Variants in RPS6KC1 observed in about 807,000 individuals in gnomAD.
RPS6KC1 encodes inactive ribosomal protein S6 kinase delta-1.
Under a neutral mutation model 103.8 loss-of-function variants are expected in RPS6KC1, and 54 were observed. The observed-to-expected ratio is 0.52, with a 90% CI of 0.42 to 0.65. The LOEUF is 0.65. RPS6KC1 is among the 30% of genes least tolerant of loss of function. The pLI, the probability that RPS6KC1 is intolerant of heterozygous loss-of-function variation, is 0.00. For synonymous variants in RPS6KC1, 439 were observed against 438.7 expected, an observed-to-expected ratio of 1.00 and a Z score of -0.01; for missense variants, 1,151 against 1,253.8, an observed-to-expected ratio of 0.92 and a Z score of 1.24.
At chr1:213,066,246 G>C (rs1349191089) in intron 1 of RPS6KC1, among the ~76,000 whole-genome samples, 2 of 152,190 alleles carry the variant, frequency 1.3e-5, no homozygotes, top group Non-Finnish European at 2.9e-5. Flanking sequence ...GGGGCAGAAG[G>C]ATGAAGAATA....
chr1:213,447,073 A>ATT, the RPS6KC1 span, among the ~76,000 whole-genome samples: 2 of 145,454 alleles, frequency 1.4e-5, no homozygotes, highest in African/African-American at 2.5e-5. Flanking sequence ...TGATGCCAGT[A>ATT]TTTTTTTTTT....
chr1:213,839,354 G>A, the RPS6KC1 span, among the ~76,000 whole-genome samples: 3 of 152,100 alleles, frequency 2.0e-5, no homozygotes, highest in Non-Finnish European at 4.4e-5. Context: ...TCCTGGCCCT[G>A]GGGCAAGGCT....
chr1:213,789,911 C>T, the RPS6KC1 span, among the ~76,000 whole-genome samples: 10 of 151,284 alleles, frequency 6.6e-5, no homozygotes, highest in Admixed American at 2.7e-4. Context: ...GTGTTGTGTT[C>T]AAGGCCAGGA....
chr1:213,687,044 G>A, the RPS6KC1 span, among the ~76,000 whole-genome samples: 1 of 151,258 alleles, frequency 6.6e-6, no homozygotes, highest in East Asian at 1.9e-4. Context: ...AATGAGCAGT[G>A]AGGATAACAG....
chr1:213,381,604 A>G, the RPS6KC1 span, among the ~76,000 whole-genome samples: 10 of 151,912 alleles, frequency 6.6e-5, no homozygotes, highest in Non-Finnish European at 1.2e-4. Flanking sequence ...AGTTATGTCA[A>G]ACAAAGTGTG....
At chr1:213,613,379 G>T in the RPS6KC1 span, among the ~76,000 whole-genome samples, 1 of 152,180 alleles carries the variant, frequency 6.6e-6, no homozygotes, top group Non-Finnish European at 1.5e-5. Flanking sequence ...GTGTCGATGA[G>T]ATTTGGACTA....
At chr1:213,085,483 G>A (rs1013019779) in intron 3 of RPS6KC1, among the ~76,000 whole-genome samples, 2 of 152,000 alleles carry the variant, frequency 1.3e-5, no homozygotes, top group African/African-American at 4.8e-5. Context: ...CTTTCTTGAA[G>A]CTAATAAGTA....
rs536441210 is a variant in RPS6KC1, at chr1:213,088,554, G to A, written c.262+10738G>A. ...GTATTTTTAATAGAGATGGGGTTTCGCCATGTTGCTCAGGCTGGTCTCGAA... is the reference window on the plus strand; with the variant it reads ...GTATTTTTAATAGAGATGGGGTTTCACCATGTTGCTCAGGCTGGTCTCGAA... On this transcript the variant is annotated intron_variant, in intron 3 of 14. Coordinates refer to ENST00000366960, the MANE Select transcript of RPS6KC1 (RefSeq NM_012424.6). 7.2e-5 allele frequency among the ~76,000 whole-genome samples: 11 copies of A among 152,010 alleles called. No individual in the cohort carries two copies. In the South Asian group the frequency reaches 2.3e-3, roughly 32 times the overall value.
chr1:213,449,102 T>G, the RPS6KC1 span, among the ~76,000 whole-genome samples: 1 of 152,212 alleles, frequency 6.6e-6, no homozygotes, highest in Non-Finnish European at 1.5e-5. Flanking sequence ...TTGAAACTTT[T>G]AAATCAGCCT....
At chr1:213,629,624 T>G in the RPS6KC1 span, among the ~76,000 whole-genome samples, 1 of 152,252 alleles carries the variant, frequency 6.6e-6, no homozygotes, top group South Asian at 2.1e-4. Flanking sequence ...GATCCTGTCA[T>G]TATGATGTTA....
the RPS6KC1 span, among the ~76,000 whole-genome samples, chr1:213,411,152 TG>T: frequency 2.0e-5 from 3 of 152,156 alleles, no homozygotes; most frequent in Non-Finnish European, 1.5e-5. Flanking sequence ...CTCATTCACT[TG>T]TTGTTTGACT....
the RPS6KC1 span, among the ~76,000 whole-genome samples, chr1:213,807,707 C>A: frequency 6.6e-6 from 1 of 151,066 alleles, no homozygotes; most frequent in Non-Finnish European, 1.5e-5. Context: ...GTTTTAACTT[C>A]TTTGCCTTTG....
At chr1:213,107,704 G>A (rs780903813) in intron 4 of RPS6KC1, among the ~76,000 whole-genome samples, 2 of 152,126 alleles carry the variant, frequency 1.3e-5, no homozygotes, top group African/African-American at 4.8e-5. Flanking sequence ...TGGTAAATTC[G>A]TGTTTTTAAG....
intron 14 of RPS6KC1, among the ~76,000 whole-genome samples, chr1:213,269,386 T>C (rs2094987743): frequency 6.6e-6 from 1 of 152,186 alleles, no homozygotes; most frequent in African/African-American, 2.4e-5. Context: ...CTCCATGATT[T>C]ATAGAAAATT....
chr1:213,271,277 A>G (rs2095041238), intron 14 of RPS6KC1, among the ~76,000 whole-genome samples: 1 of 152,216 alleles, frequency 6.6e-6, no homozygotes, highest in Admixed American at 6.5e-5. Context: ...TACAGTGTGG[A>G]TGAATCTCAG....
chr1:213,699,141 G>T, the RPS6KC1 span, among the ~76,000 whole-genome samples: 1 of 151,984 alleles, frequency 6.6e-6, no homozygotes, highest in Non-Finnish European at 1.5e-5. Context: ...CAAACATCGG[G>T]TCTTATACAT....
intron 1 of RPS6KC1, among the ~76,000 whole-genome samples, chr1:213,057,691 A>G (rs1018417916): frequency 6.4e-5 from 9 of 139,678 alleles, no homozygotes; most frequent in Non-Finnish European, 1.4e-4. Context: ...TTGGGGTTTG[A>G]TATGACATTT....
At chr1:213,574,877 C>T in the RPS6KC1 span, among the ~76,000 whole-genome samples, 3 of 152,110 alleles carry the variant, frequency 2.0e-5, no homozygotes, top group Non-Finnish European at 4.4e-5. Flanking sequence ...GACCGAGTCA[C>T]TGTGGGCTCC....
At chr1:213,727,037 G>T in the RPS6KC1 span, among the ~76,000 whole-genome samples, 23 of 152,328 alleles carry the variant, frequency 1.5e-4, 2 homozygotes, top group Admixed American at 1.0e-3. Context: ...CTGGAGAATT[G>T]CCCTGACTCT....
Sources: gnomAD v4.1 joint callset for allele counts (sites outside exome capture counted in the v4.1 genomes callset) on GRCh38, gnomAD v4.1.1 for gene constraint, MANE v1.5 for transcripts, NCBI Gene and HGNC (gene_info 2026-07-23, HGNC 2026-07-21) for gene names.